COMMD1: variants seen among roughly 807,000 people sequenced by gnomAD.
The protein encoded by COMMD1 is copper metabolism domain containing 1.
A neutral mutation model predicts 17.2 loss-of-function variants in COMMD1; 10 were observed. That is an observed-to-expected ratio of 0.58 (90% CI 0.36 to 0.99). The LOEUF (loss-of-function observed/expected upper bound fraction) is 0.99, where lower values mean the gene tolerates loss of function less well. Ranked by LOEUF, COMMD1 falls within the 50% of genes least tolerant of loss-of-function variation. The pLI, the probability that COMMD1 is intolerant of heterozygous loss-of-function variation, is 0.01. For missense variants in COMMD1, 270 were observed against 231.8 expected (o/e 1.17, Z -1.07); for synonymous variants, 97 against 91.6 (o/e 1.06, Z -0.34).
chr2:62,057,994 G>A (rs545628558), intron 2 of COMMD1, among the ~76,000 whole-genome samples: 3 of 152,052 alleles, frequency 2.0e-5, no homozygotes, highest in Admixed American at 1.3e-4. Context: ...AAAATATTAC[G>A]TTAAATTTCC....
At chr2:61,911,951 T>G (rs1322496736) in intron 1 of COMMD1, among the ~76,000 whole-genome samples, 1 of 152,206 alleles carries the variant, frequency 6.6e-6, no homozygotes, top group Non-Finnish European at 1.5e-5. Flanking sequence ...CCTGTAGATA[T>G]TCATGTGGCT....
intron 2 of COMMD1, among the ~76,000 whole-genome samples, chr2:62,035,307 CA>C: frequency 6.6e-6 from 1 of 152,142 alleles, no homozygotes; most frequent in Non-Finnish European, 1.5e-5. Context: ...GGCTAGAATT[CA>C]AAGCTCAACT....
chr2:61,920,938 CGT>C (rs1474519572), intron 1 of COMMD1, among the ~76,000 whole-genome samples: 1 of 135,416 alleles, frequency 7.4e-6, no homozygotes, highest in Non-Finnish European at 1.5e-5. Context: ...TATACATATA[CGT>C]GTGTTTGTGT....
At chr2:61,920,903 G>A (rs543723576) in intron 1 of COMMD1, among the ~76,000 whole-genome samples, 75 of 150,046 alleles carry the variant, frequency 5.0e-4, no homozygotes, top group Non-Finnish European at 9.8e-4. Context: ...ATGTGTGTGT[G>A]TGTATATATA....
At chr2:62,129,078 G>T (rs181484186) in intron 2 of COMMD1, among the ~76,000 whole-genome samples, 1 of 152,242 alleles carries the variant, frequency 6.6e-6, no homozygotes, top group African/African-American at 2.4e-5. Context: ...GACAGGCCTT[G>T]CTCTGCTCAA....
At chr2:62,066,231 A>C (rs1218558664) in intron 2 of COMMD1, among the ~76,000 whole-genome samples, 1 of 151,798 alleles carries the variant, frequency 6.6e-6, no homozygotes, top group East Asian at 1.9e-4. Context: ...TCCCTACCCC[A>C]CTTTTTTTTT....
At position 62,135,906 on chromosome 2, in the gene COMMD1, G is replaced by C. The variant is rs545811994; in HGVS notation, c.538G>C (p.Glu180Gln). 13 of 1,602,432 alleles carry C rather than the reference G, an allele frequency of 8.1e-6. No individual in the cohort carries two copies. In the South Asian group the frequency reaches 1.3e-4, roughly 16 times the overall value. The change falls in exon 3 of 3, where the codon GAA becomes CAA. Residue 180 changes from glutamate (E) to glutamine (Q), a missense_variant. Coordinates refer to ENST00000311832, the MANE Select transcript of COMMD1 (RefSeq NM_152516.4). Reference sequence around the variant, plus strand: ...TCTGAAGACGCTGTCAGAGGTAGAAGAAAGTATCAGCACACTGATCAGCCA... The same window carrying C: ...TCTGAAGACGCTGTCAGAGGTAGAACAAAGTATCAGCACACTGATCAGCCA... ...QILKTLSEVE[E>Q]SISTLISQPN is the part of the protein sequence containing the mutation.
intron 2 of COMMD1, among the ~76,000 whole-genome samples, chr2:62,119,638 C>T (rs1672693287): frequency 6.6e-6 from 1 of 152,212 alleles, no homozygotes; most frequent in South Asian, 2.1e-4. Flanking sequence ...ATGCCTATTT[C>T]TCCCTAATGG....
intron 2 of COMMD1, among the ~76,000 whole-genome samples, chr2:62,031,386 C>G (rs1279462252): frequency 6.6e-6 from 1 of 152,166 alleles, no homozygotes; most frequent in Non-Finnish European, 1.5e-5. Flanking sequence ...ATCTTTTAAG[C>G]ACCCAACTCT....
chr2:62,075,967 C>CT (rs778697828), intron 2 of COMMD1, among the ~76,000 whole-genome samples: 2 of 152,292 alleles, frequency 1.3e-5, no homozygotes, highest in Non-Finnish European at 2.9e-5. Context: ...GTTCCTAGAC[C>CT]TTTTTCTCTG....
intron 1 of COMMD1, among the ~76,000 whole-genome samples, chr2:61,963,204 C>G (rs1671411135): frequency 6.8e-6 from 1 of 146,486 alleles, no homozygotes; most frequent in African/African-American, 2.7e-5. Context: ...CACACACACA[C>G]ACACACACAC....
intron 2 of COMMD1, chr2:62,069,679 A>G (rs1671147414): frequency 3.3e-5 from 5 of 152,190 alleles, no homozygotes; most frequent in Admixed American, 6.5e-5. Context: ...TATAACAAGA[A>G]GTTTTCAAGG....
At chr2:62,117,018 A>G (rs1247923191) in intron 2 of COMMD1, among the ~76,000 whole-genome samples, 1 of 150,384 alleles carries the variant, frequency 6.6e-6, no homozygotes, top group African/African-American at 2.4e-5. Flanking sequence ...AAAAAAAATG[A>G]CAAAGATGAA....
intron 2 of COMMD1, among the ~76,000 whole-genome samples, chr2:62,076,724 G>A (rs558296529): frequency 1.3e-5 from 2 of 152,282 alleles, no homozygotes; most frequent in South Asian, 4.2e-4. Flanking sequence ...TCCAGTCTGG[G>A]CAAAAGAGCA....
intron 2 of COMMD1, among the ~76,000 whole-genome samples, chr2:62,089,677 G>T (rs1671769225): frequency 6.6e-6 from 1 of 152,166 alleles, no homozygotes; most frequent in African/African-American, 2.4e-5. Flanking sequence ...GCCAGAGTCA[G>T]ATTGGAATTT....
intron 1 of COMMD1, among the ~76,000 whole-genome samples, chr2:61,990,877 CAAA>C (rs139284456): frequency 0.051 from 5,717 of 111,620 alleles, 196 homozygotes; most frequent in African/African-American, 0.098. Context: ...TCTGTCTTTA[CAAA>C]AAAAAAAAAA....
intron 1 of COMMD1, among the ~76,000 whole-genome samples, chr2:61,971,096 A>G (rs1396215265): frequency 6.6e-6 from 1 of 152,198 alleles, no homozygotes; most frequent in African/African-American, 2.4e-5. Context: ...TTTTGTAAAG[A>G]CAGAGTTTTG....
intron 2 of COMMD1, among the ~76,000 whole-genome samples, chr2:62,088,274 T>C (rs1671725201): frequency 6.6e-6 from 1 of 152,214 alleles, no homozygotes; most frequent in Admixed American, 6.6e-5. Flanking sequence ...TCCCCCACTA[T>C]CTTTGCTTTC....
At chr2:62,103,557 G>A (rs1428351138) in intron 2 of COMMD1, among the ~76,000 whole-genome samples, 1 of 152,076 alleles carries the variant, frequency 6.6e-6, no homozygotes, top group Non-Finnish European at 1.5e-5. Context: ...TAGAACACAG[G>A]CACAATTTTA....
Sources: gnomAD v4.1 joint callset for allele counts (sites outside exome capture counted in the v4.1 genomes callset) on GRCh38, gnomAD v4.1.1 for gene constraint, MANE v1.5 for transcripts, NCBI Gene and HGNC (gene_info 2026-07-23, HGNC 2026-07-21) for gene names.